PDLIM1: variants seen among roughly 807,000 people sequenced by gnomAD.
PDLIM1 encodes the protein PDZ and LIM domain 1.
Under a neutral mutation model 35.2 loss-of-function variants are expected in PDLIM1, and 25 were observed. That is an observed-to-expected ratio of 0.71 (90% CI 0.52 to 0.99). PDLIM1 has a LOEUF of 0.99. Ranked by LOEUF, PDLIM1 falls within the 50% of genes least tolerant of loss-of-function variation. The pLI is 0.00. For synonymous variants in PDLIM1, 152 were observed against 154.0 expected (o/e 0.99, Z 0.10); for missense variants, 363 against 415.3 (o/e 0.87, Z 1.09).
At chr10:95,286,863 T>C (rs1364330476) in intron 1 of PDLIM1, among the ~76,000 whole-genome samples, 1 of 152,240 alleles carries the variant, frequency 6.6e-6, no homozygotes, top group Non-Finnish European at 1.5e-5. Context: ...GTGCCAGTCC[T>C]ATCCTGATCC....
chr10:95,289,682 C>T (rs552176615), intron 1 of PDLIM1, among the ~76,000 whole-genome samples: 31 of 152,310 alleles, frequency 2.0e-4, no homozygotes, highest in African/African-American at 7.5e-4. Context: ...CTTTCTTCTC[C>T]ACCCTTCCCC....
chr10:95,277,725 A>G (rs774497049), intron 1 of PDLIM1, among the ~76,000 whole-genome samples: 15 of 152,156 alleles, frequency 9.9e-5, no homozygotes, highest in Non-Finnish European at 1.8e-4. Context: ...TTTCTGCTCA[A>G]TTCATTCTTG....
At chr10:95,289,518 T>C (rs2035633540) in intron 1 of PDLIM1, among the ~76,000 whole-genome samples, 1 of 152,162 alleles carries the variant, frequency 6.6e-6, no homozygotes, top group East Asian at 1.9e-4. Flanking sequence ...ACCTCCTCAC[T>C]GGGCCAGGCC....
At chr10:95,247,939 G>A (rs1444797036) in intron 4 of PDLIM1, among the ~76,000 whole-genome samples, 1 of 152,224 alleles carries the variant, frequency 6.6e-6, no homozygotes, top group Non-Finnish European at 1.5e-5. Context: ...GGTAAGGATG[G>A]GACACGCAAG....
chr10:95,289,675 T>A (rs1007581461), intron 1 of PDLIM1, among the ~76,000 whole-genome samples: 1 of 152,166 alleles, frequency 6.6e-6, no homozygotes, highest in Non-Finnish European at 1.5e-5. Flanking sequence ...TATTTCCCTT[T>A]CTTCTCCACC....
chr10:95,268,623 G>A (rs571290270), intron 3 of PDLIM1, among the ~76,000 whole-genome samples, 155 bp downstream of exon 3: 80 of 152,158 alleles, frequency 5.3e-4, no homozygotes, highest in Non-Finnish European at 9.6e-4. Flanking sequence ...GTTCCCTTAC[G>A]GGAAGAACTG....
chr10:95,264,356 A>G (rs1042739662), intron 3 of PDLIM1, among the ~76,000 whole-genome samples: 3 of 152,232 alleles, frequency 2.0e-5, no homozygotes, highest in Non-Finnish European at 4.4e-5. Flanking sequence ...CGGGCAGGAC[A>G]GCCCTTGATG....
chr10:95,282,665 C>A (rs191510824), intron 1 of PDLIM1, among the ~76,000 whole-genome samples: 1 of 152,264 alleles, frequency 6.6e-6, no homozygotes, highest in East Asian at 1.9e-4. Flanking sequence ...CGAGGCCAGG[C>A]GTGGTGGCTC....
intron 4 of PDLIM1, among the ~76,000 whole-genome samples, chr10:95,249,282 A>G (rs778573141): frequency 6.6e-6 from 1 of 152,236 alleles, no homozygotes; most frequent in Non-Finnish European, 1.5e-5. Flanking sequence ...GGACATGGGC[A>G]GCCCCACCTC....
intron 4 of PDLIM1, among the ~76,000 whole-genome samples, chr10:95,253,247 A>G (rs184885310): frequency 2.6e-4 from 40 of 152,322 alleles, no homozygotes; most frequent in African/African-American, 8.9e-4. Flanking sequence ...AAGAAAAAAA[A>G]CTGCCAGCCT....
chr10:95,282,317 A>G (rs1363571894), intron 1 of PDLIM1, among the ~76,000 whole-genome samples: 4 of 152,224 alleles, frequency 2.6e-5, no homozygotes, highest in Admixed American at 6.5e-5. Flanking sequence ...AGGCTGTGGC[A>G]CAGACTTCAC....
At chr10:95,270,137 G>A (rs1348329477) in intron 2 of PDLIM1, among the ~76,000 whole-genome samples, 1 of 152,128 alleles carries the variant, frequency 6.6e-6, no homozygotes, top group Non-Finnish European at 1.5e-5. Flanking sequence ...ATCAATGAAT[G>A]AATGAATGTC....
rs578136086 is a variant in PDLIM1, at chr10:95,238,426, C to T, written c.803+142G>A. ...CACAACCTGGCTCTGGGACACAGGA[C>T]CTTTCTGGCCTCTCTGTTGCATTTT... On this transcript the variant is annotated intron_variant, in intron 6 of 6. Coordinates refer to ENST00000329399, the MANE Select transcript of PDLIM1 (RefSeq NM_020992.4). 10 of 672,736 alleles carry T rather than the reference C, an allele frequency of 1.5e-5. No homozygotes were observed. In the African/African-American group the frequency reaches 1.6e-4, roughly 11 times the overall value. 41.7% of individuals were successfully genotyped at this position (672,736 alleles called of 1,614,324 possible).
At chr10:95,252,240 T>C (rs964365933) in intron 4 of PDLIM1, among the ~76,000 whole-genome samples, 1 of 152,050 alleles carries the variant, frequency 6.6e-6, no homozygotes, top group Non-Finnish European at 1.5e-5. Context: ...TGCTCAGCAG[T>C]GTCTAGGCCA....
chr10:95,262,973 A>G (rs1282770370), intron 4 of PDLIM1, among the ~76,000 whole-genome samples: 1 of 151,940 alleles, frequency 6.6e-6, no homozygotes, highest in Admixed American at 6.6e-5. Flanking sequence ...TGAGACCCCA[A>G]TCTCTACAAA....
chr10:95,279,294 C>T (rs1199187709), intron 1 of PDLIM1, among the ~76,000 whole-genome samples: 1 of 152,200 alleles, frequency 6.6e-6, no homozygotes, highest in African/African-American at 2.4e-5. Context: ...CATTTATGAT[C>T]ATTCTTGCAG....
intron 5 of PDLIM1, 77 bp from the exon 6 acceptor site, chr10:95,238,762 T>C (rs2860998): frequency 0.36 from 320,835 of 881,582 alleles, 61,584 homozygotes; most frequent in Middle Eastern, 0.49. Flanking sequence ...CAGAACCACT[T>C]ATAAATATAT....
At chr10:95,286,766 G>A (rs551285554) in intron 1 of PDLIM1, among the ~76,000 whole-genome samples, 2 of 152,332 alleles carry the variant, frequency 1.3e-5, no homozygotes, top group South Asian at 4.1e-4. Context: ...TAACCTGTGA[G>A]CACCTGAGCT....
At chr10:95,245,605 G>C (rs2035212422) in intron 5 of PDLIM1, among the ~76,000 whole-genome samples, 1 of 152,128 alleles carries the variant, frequency 6.6e-6, no homozygotes, top group African/African-American at 2.4e-5. Context: ...CATCCTCAAG[G>C]GTTGGCCCCC....
Sources: allele counts gnomAD v4.1 joint callset (sites outside exome capture counted in the v4.1 genomes callset), GRCh38; gene constraint gnomAD v4.1.1; transcripts MANE v1.5; gene names NCBI Gene and HGNC (gene_info 2026-07-23, HGNC 2026-07-21).